The following SPEF2 variants were observed in gnomAD, a reference collection of about 807,000 sequenced individuals.
The protein encoded by SPEF2 is sperm flagellar and cilia associated 2.
Under a neutral mutation model 224.6 loss-of-function variants are expected in SPEF2, and 187 were observed. The ratio of observed to expected loss-of-function variants is 0.83; its 90% CI spans 0.74 to 0.94. SPEF2 has a LOEUF of 0.94. Ranked by LOEUF, SPEF2 falls within the 40% of genes least tolerant of loss-of-function variation. The pLI is 0.00. For synonymous variants in SPEF2, 715 were observed against 707.3 expected (o/e 1.01, Z -0.17); for missense variants, 2,170 against 2,135.6 (o/e 1.02, Z -0.32).
chr5:35,740,095 T>A (rs754583057), intron 22 of SPEF2, 34 bp from the exon 23 acceptor site: 14 of 1,613,944 alleles, frequency 8.7e-6, no homozygotes, highest in African/African-American at 1.3e-5. Flanking sequence ...AGGCATGACA[T>A]ATAAAATTTA....
At chr5:35,712,686 C>A in intron 19 of SPEF2, 126 bp from the exon 20 acceptor site, 1 of 853,454 alleles carries the variant, frequency 1.2e-6, no homozygotes, top group Non-Finnish European at 1.8e-6. Context: ...AAAACCTGAG[C>A]CATTTTATGC....
At chr5:35,697,620 T>G in intron 14 of SPEF2, 70 bp from the exon 15 acceptor site, 1 of 1,276,922 alleles carries the variant, frequency 7.8e-7, no homozygotes, top group South Asian at 1.3e-5. Flanking sequence ...TTAATTAACT[T>G]TTCCTCCAAA....
chr5:35,715,163 C>T (rs996099119), intron 20 of SPEF2, among the ~76,000 whole-genome samples: 135 of 152,196 alleles, frequency 8.9e-4, no homozygotes, highest in African/African-American at 3.0e-3. Flanking sequence ...GCAATCTCCC[C>T]GCTTCAGCCT....
At chr5:35,776,903 G>A (rs1307796373) in intron 29 of SPEF2, among the ~76,000 whole-genome samples, 1 of 152,084 alleles carries the variant, frequency 6.6e-6, no homozygotes, top group Non-Finnish European at 1.5e-5. Flanking sequence ...GCTACTGAGG[G>A]GCAATGACTC....
intron 17 of SPEF2, among the ~76,000 whole-genome samples, chr5:35,704,912 C>A (rs10059848): frequency 0.54 from 81,477 of 151,840 alleles, 22,284 homozygotes; most frequent in African/African-American, 0.56. Flanking sequence ...CGGTTACATG[C>A]ACTTATAAGT....
chr5:35,621,172 C>T (rs1743456506), intron 1 of SPEF2, among the ~76,000 whole-genome samples: 1 of 151,990 alleles, frequency 6.6e-6, no homozygotes. Flanking sequence ...ATATCGTAAG[C>T]ATATTATAAT....
intron 10 of SPEF2, among the ~76,000 whole-genome samples, chr5:35,685,418 A>G (rs1753455893): frequency 6.6e-6 from 1 of 152,156 alleles, no homozygotes; most frequent in African/African-American, 2.4e-5. Context: ...TTGTCAGATA[A>G]TGGGTATGAA....
At chr5:35,628,706 C>T (rs1233791167) in intron 2 of SPEF2, 144 bp downstream of exon 2, 1 of 576,908 alleles carries the variant, frequency 1.7e-6, no homozygotes, top group Non-Finnish European at 3.0e-6. Context: ...ATCCTCTTGC[C>T]TCGGCTTCCC....
At chr5:35,751,027 ATATATATACACATATG>A (rs1470789993) in intron 23 of SPEF2, among the ~76,000 whole-genome samples, 16 of 104,670 alleles carry the variant, frequency 1.5e-4, no homozygotes, top group African/African-American at 5.4e-4. Flanking sequence ...ATATATACGT[ATATATATACACATATG>A]TATATATATA....
chr5:35,644,657 C>CAT, intron 4 of SPEF2, 132 bp downstream of exon 4: 3 of 589,302 alleles, frequency 5.1e-6, no homozygotes, highest in Non-Finnish European at 8.1e-6. Flanking sequence ...CTTTGTCCTG[C>CAT]CCTACTCTCA....
chr5:35,648,388 TG>T (rs1479728398), intron 5 of SPEF2, among the ~76,000 whole-genome samples: 1 of 152,100 alleles, frequency 6.6e-6, no homozygotes, highest in East Asian at 1.9e-4. Context: ...TTTTTTTGTT[TG>T]TTTTTTTTCT....
chr5:35,656,861 G>A (rs181211203), intron 7 of SPEF2, among the ~76,000 whole-genome samples: 93 of 152,288 alleles, frequency 6.1e-4, no homozygotes, highest in Non-Finnish European at 1.0e-3. Context: ...GTGTGTGGGT[G>A]AGCTGCTATT....
At chr5:35,733,100 T>A (rs1292514325) in intron 21 of SPEF2, among the ~76,000 whole-genome samples, 1 of 149,310 alleles carries the variant, frequency 6.7e-6, no homozygotes, top group Non-Finnish European at 1.5e-5. Flanking sequence ...ACAACACAGG[T>A]TTTTTTTTGT....
chr5:35,669,144 C>A (rs1005656435), intron 9 of SPEF2, among the ~76,000 whole-genome samples: 4 of 152,026 alleles, frequency 2.6e-5, no homozygotes, highest in African/African-American at 9.7e-5. Context: ...CTTCTAGGTA[C>A]CTTATATAAG....
intron 25 of SPEF2, among the ~76,000 whole-genome samples, chr5:35,760,886 T>C (rs1237612056): frequency 6.6e-6 from 1 of 152,084 alleles, no homozygotes. Context: ...TCCTTAAAAA[T>C]TAAATGAATT....
In SPEF2 at chr5:35,793,186, G is replaced by A; in HGVS notation, c.4582G>A (p.Val1528Ile). 6.2e-7 allele frequency: 1 copy of A among 1,614,034 alleles called. No homozygotes were observed. Among genetic ancestry groups the A allele is most frequent in the Non-Finnish European group, 8.5e-7 (1 of 1,179,982 alleles). The change falls in exon 32 of 37, where the codon GTC (valine) becomes ATC (isoleucine). Residue 1528 changes from valine to isoleucine, a missense_variant. Val to Ile is a conservative substitution (Grantham distance 29). Transcript: ENST00000356031. ...ACAGGAATTAACATCTTTATTAACA[G>A]TCAACTCCGAGTTCGTGGACTGGCG... ...ELQELTSLLT[V>I]NSEFVDWRKF...
chr5:35,803,816 C>T (rs1244890669), intron 34 of SPEF2, among the ~76,000 whole-genome samples: 1 of 152,222 alleles, frequency 6.6e-6, no homozygotes, highest in Non-Finnish European at 1.5e-5. Context: ...GAAATCTCCC[C>T]AGCATTTCAT....
At chr5:35,813,805 T>C (rs1186619807) in intron 36 of SPEF2, among the ~76,000 whole-genome samples, 1 of 149,952 alleles carries the variant, frequency 6.7e-6, no homozygotes, top group Non-Finnish European at 1.5e-5. Flanking sequence ...ACTTATATTG[T>C]TAAAATACTT....
chr5:35,751,013 G>C (rs1428524742), intron 23 of SPEF2, among the ~76,000 whole-genome samples: 1 of 90,756 alleles, frequency 1.1e-5, no homozygotes, highest in South Asian at 4.4e-4. Context: ...ATATATATAC[G>C]TATATATATA....
Sources: allele counts gnomAD v4.1 joint callset (sites outside exome capture counted in the v4.1 genomes callset), GRCh38; gene constraint gnomAD v4.1.1; transcripts MANE v1.5; gene names NCBI Gene and HGNC (gene_info 2026-07-23, HGNC 2026-07-21).